Variants in AXDND1 observed in about 807,000 individuals in gnomAD.
AXDND1 encodes the protein axonemal dynein light chain domain-containing protein 1.
Under a neutral mutation model 137.5 loss-of-function variants are expected in AXDND1, and 110 were observed. The observed-to-expected ratio is 0.80, with a 90% CI of 0.69 to 0.94. The LOEUF (loss-of-function observed/expected upper bound fraction) is 0.94, where lower values mean the gene tolerates loss of function less well. Ranked by LOEUF, AXDND1 falls within the 40% of genes least tolerant of loss-of-function variation. AXDND1 has a pLI of 0.00. For synonymous variants in AXDND1, 414 were observed against 399.7 expected (o/e 1.04, Z -0.43); for missense variants, 1,191 against 1,169.8 (o/e 1.02, Z -0.26).
At chr1:179,403,063 C>T (rs971750133) in intron 11 of AXDND1, among the ~76,000 whole-genome samples, 1 of 152,138 alleles carries the variant, frequency 6.6e-6, no homozygotes, top group Non-Finnish European at 1.5e-5. Flanking sequence ...CTTTTGATGT[C>T]CCCAGAACTT....
At chr1:179,431,202 C>T (rs6694534) in intron 14 of AXDND1, among the ~76,000 whole-genome samples, 53,022 of 151,882 alleles carry the variant, frequency 0.35, 9,439 homozygotes, top group Middle Eastern at 0.44. Flanking sequence ...AGTGCAGTGG[C>T]GCAATCTTGG....
At chr1:179,457,080 G>C in intron 16 of AXDND1, 1 of 1,356,260 alleles carries the variant, frequency 7.4e-7, no homozygotes, top group South Asian at 1.2e-5. Context: ...GCTCTCTTTG[G>C]TTCCACAACT....
chr1:179,377,335 C>T (rs1201769923), intron 4 of AXDND1, among the ~76,000 whole-genome samples: 1 of 152,128 alleles, frequency 6.6e-6, no homozygotes, highest in African/African-American at 2.4e-5. Context: ...GTTCTTAGCT[C>T]GCAGTGCCAG....
intron 9 of AXDND1, among the ~76,000 whole-genome samples, chr1:179,388,976 C>T (rs77479807): frequency 0.1 from 11,792 of 112,476 alleles, 840 homozygotes; most frequent in East Asian, 0.38. Context: ...TTTTTAGATT[C>T]TTTTTTTTTT....
chr1:179,553,719 A>G (rs1255799581), intron 25 of AXDND1, among the ~76,000 whole-genome samples: 1 of 152,102 alleles, frequency 6.6e-6, no homozygotes, highest in Non-Finnish European at 1.5e-5. Flanking sequence ...TACTAAAACC[A>G]CAGTTTAAAA....
chr1:179,485,022 C>T (rs764399119), intron 18 of AXDND1, among the ~76,000 whole-genome samples: 67 of 152,336 alleles, frequency 4.4e-4, no homozygotes, highest in African/African-American at 1.1e-3. Flanking sequence ...GCTGCCTGTG[C>T]GAGTATGTGC....
intron 12 of AXDND1, among the ~76,000 whole-genome samples, chr1:179,422,601 G>A (rs911016027): frequency 2.6e-5 from 4 of 152,138 alleles, no homozygotes; most frequent in African/African-American, 9.7e-5. Flanking sequence ...AAATGAATGT[G>A]TATTCCTTAA....
At chr1:179,483,954 G>C (rs1205845258) in intron 18 of AXDND1, among the ~76,000 whole-genome samples, 2 of 152,174 alleles carry the variant, frequency 1.3e-5, no homozygotes, top group African/African-American at 4.8e-5. Context: ...GGGACTAGAA[G>C]ATTGGAAAGA....
At chr1:179,424,426 C>CTT (rs139043229) in intron 12 of AXDND1, among the ~76,000 whole-genome samples, 23 of 107,798 alleles carry the variant, frequency 2.1e-4, no homozygotes, top group African/African-American at 5.8e-4. Flanking sequence ...TTTCTATTAT[C>CTT]TTTTTTTTTT....
At chr1:179,401,444 C>A (rs1180481698) in intron 11 of AXDND1, among the ~76,000 whole-genome samples, 1 of 152,004 alleles carries the variant, frequency 6.6e-6, no homozygotes, top group Middle Eastern at 3.2e-3. Flanking sequence ...ACAGCCTATT[C>A]CTGTGCTTTC....
At chr1:179,434,654 C>G (rs1375103765) in intron 15 of AXDND1, among the ~76,000 whole-genome samples, 3 of 152,092 alleles carry the variant, frequency 2.0e-5, no homozygotes, top group Admixed American at 6.6e-5. Context: ...ATTCAACATC[C>G]CTTTATGTTA....
In AXDND1 at chr1:179,486,139, A is replaced by AAAAAAAAAAAAAAAAAAAAACAAAAAACT. The variant is rs149119239; in HGVS notation, c.2091+2920_2091+2921insAAAAAAAAAAAAAAAAAACAAAAAACTAA. Among the ~76,000 whole-genome samples, 67 of 87,796 alleles carry AAAAAAAAAAAAAAAAAAAAACAAAAAACT rather than the reference A, an allele frequency of 7.6e-4. 7 individuals are homozygous for AAAAAAAAAAAAAAAAAAAAACAAAAAACT. Among genetic ancestry groups the AAAAAAAAAAAAAAAAAAAAACAAAAAACT allele is most frequent in the East Asian group, 2.3e-3 (4 of 1,706 alleles). 57.6% of individuals were successfully genotyped at this position (87,796 alleles called of 152,430 possible). On this transcript the variant is annotated intron_variant, in intron 18 of 25. Coordinates refer to ENST00000367618, the MANE Select transcript of AXDND1 (RefSeq NM_144696.6). ...TGTCTCAAAAAAAAAAAAAAAAAAA[A>AAAAAAAAAAAAAAAAAAAAACAAAAAACT]AACCTGATAGAAATGAAAAACACAC...
intron 20 of AXDND1, among the ~76,000 whole-genome samples, chr1:179,498,257 A>G (rs767978328): frequency 6.6e-6 from 1 of 152,002 alleles, no homozygotes; most frequent in Non-Finnish European, 1.5e-5. Context: ...ACTTCAAACT[A>G]TATAATAAAG....
chr1:179,373,216 C>G (rs969469438), intron 4 of AXDND1, among the ~76,000 whole-genome samples: 1 of 152,142 alleles, frequency 6.6e-6, no homozygotes, highest in Admixed American at 6.5e-5. Context: ...TGAGTGAACT[C>G]CCATTCACAA....
chr1:179,447,775 A>T, intron 16 of AXDND1: 1 of 1,333,542 alleles, frequency 7.5e-7, no homozygotes, highest in Non-Finnish European at 1.1e-6. Context: ...TGAGTTTACA[A>T]ATTCATTCCC....
At chr1:179,410,300 G>A (rs879591685) in intron 11 of AXDND1, among the ~76,000 whole-genome samples, 14 of 152,046 alleles carry the variant, frequency 9.2e-5, no homozygotes, top group African/African-American at 2.4e-4. Flanking sequence ...GCGCGATCTC[G>A]GCTCACTGCA....
At chr1:179,457,511 CA>C (rs1286253296) in intron 16 of AXDND1, among the ~76,000 whole-genome samples, 1 of 152,208 alleles carries the variant, frequency 6.6e-6, no homozygotes, top group Non-Finnish European at 1.5e-5. Context: ...TAGCTTCCCC[CA>C]TACTTTGTGT....
At chr1:179,518,918 C>T (rs992238903) in intron 21 of AXDND1, among the ~76,000 whole-genome samples, 1 of 152,042 alleles carries the variant, frequency 6.6e-6, no homozygotes, top group South Asian at 2.1e-4. Context: ...AATGGGATTG[C>T]TGGGTCAAAT....
rs554873185 is a variant in AXDND1, at chr1:179,513,147, C to A, written c.2496+3744C>A. 9.9e-5 allele frequency among the ~76,000 whole-genome samples: 15 copies of A among 152,196 alleles called. No homozygotes were observed. In the South Asian group the frequency reaches 3.1e-3, roughly 32 times the overall value. On this transcript the variant is annotated intron_variant, in intron 21 of 25. Transcript: ENST00000367618. ...TAGGTATCCTTGTCTCATTCCAGTT[C>A]TCAGAGAGAATGCTTTCAGCTTTCC...
Sources: allele counts gnomAD v4.1 joint callset (sites outside exome capture counted in the v4.1 genomes callset), GRCh38; gene constraint gnomAD v4.1.1; transcripts MANE v1.5; gene names NCBI Gene and HGNC (gene_info 2026-07-23, HGNC 2026-07-21).